The following ANKRD26 variants were observed in gnomAD, a reference collection of about 807,000 sequenced individuals.
ANKRD26 encodes the protein ankyrin repeat domain-containing protein 26.
In ANKRD26, 141 loss-of-function variants were observed where a neutral mutation model predicts 208.7. The observed-to-expected ratio is 0.68, with a 90% CI of 0.59 to 0.78. The LOEUF is 0.78. ANKRD26 is among the 30% of genes least tolerant of loss of function. The probability of loss-of-function intolerance (pLI) is 0.00; values close to 1 mark genes in which losing one functional copy is unlikely to be tolerated. For missense variants in ANKRD26, 1,889 were observed against 1,938.7 expected, an observed-to-expected ratio of 0.97 and a Z score of 0.48; for synonymous variants, 636 against 660.4, an observed-to-expected ratio of 0.96 and a Z score of 0.57.
chr10:26,973,310 T>C (rs556936524), downstream of ANKRD26, among the ~76,000 whole-genome samples: 15 of 152,330 alleles, frequency 9.8e-5, no homozygotes, highest in East Asian at 2.9e-3. Flanking sequence ...TTTAGATTGT[T>C]ACCTACCTAA....
chr10:26,971,282 C>T (rs12258854), downstream of ANKRD26, among the ~76,000 whole-genome samples: 13 of 152,152 alleles, frequency 8.5e-5, no homozygotes, highest in Non-Finnish European at 1.9e-4. Context: ...ACTCAGGAGG[C>T]TAAGGCAGGA....
In ANKRD26 at chr10:27,093,377, T is replaced by C. The variant is rs2056362072; in HGVS notation, c.503A>G (p.Tyr168Cys). Residue 168 changes from tyrosine (Y) to cysteine (C), a missense_variant, in exon 3 of 34, where the codon TAT (tyrosine) becomes TGT (cysteine). Physicochemically the swap from Tyr to Cys is radical, Grantham distance 194. Around this residue, in one of 3 missense-constraint regions of ANKRD26, gnomAD observed 1,272 missense variants for 1,273.8 expected, o/e 1.00. Transcript: ENST00000376087. ...DISVATKLLL[Y>C]DANIEAKNKD... is the part of the protein sequence containing the mutation. ...GTTTTTTGCTTCAATATTTGCATCA[T>C]ACAAAAGCAGCTTTGTTGCTACTGA... is the stretch of plus-strand genomic sequence containing the variant. 3.1e-6 allele frequency: 5 copies of C among 1,614,014 alleles called. No individual in the cohort carries two copies. Among genetic ancestry groups the C allele is most frequent in the South Asian group, 2.2e-5 (2 of 91,088 alleles).
chr10:27,047,735 TA>T (rs1564388441), intron 17 of ANKRD26, among the ~76,000 whole-genome samples: 39 of 43,836 alleles, frequency 8.9e-4, no homozygotes, highest in African/African-American at 1.6e-3. Flanking sequence ...ATAATAATAA[TA>T]ATAATTATTA....
intron 21 of ANKRD26, 33 bp from the exon 22 acceptor site, chr10:27,038,087 A>G: frequency 6.4e-7 from 1 of 1,565,742 alleles, no homozygotes; most frequent in South Asian, 1.1e-5. Flanking sequence ...TAAAATCTGT[A>G]TTGTTACAAA....
intron 20 of ANKRD26, 70 bp downstream of exon 20, chr10:27,043,356 T>C: frequency 3.9e-6 from 6 of 1,550,030 alleles, no homozygotes; most frequent in East Asian, 2.2e-5. Flanking sequence ...TAAATGTACA[T>C]ACATTTATTA....
rs2053994077 is a variant in ANKRD26, at chr10:27,034,938, A to C, written c.3512T>G (p.Phe1171Cys). The change falls in exon 24 of 34, where the codon TTT becomes TGT. Residue 1171 changes from phenylalanine (F) to cysteine (C), a missense_variant. Physicochemically the swap from Phe to Cys is radical, Grantham distance 205. Coordinates refer to ENST00000376087, the MANE Select transcript of ANKRD26 (RefSeq NM_014915.3). ...EKTVINIQDQFHAIVQKLQAE... is the reference protein window; with the variant it reads ...EKTVINIQDQCHAIVQKLQAE... ...TTGAAGTTTTTGCACAATAGCATGA[A>C]ACTGGTCTTGGATATTAATCACTGT... 1.2e-6 allele frequency: 2 copies of C among 1,613,934 alleles called. No homozygotes were observed. Among genetic ancestry groups the C allele is most frequent in the African/African-American group, 2.7e-5 (2 of 74,920 alleles).
intron 18 of ANKRD26, 92 bp from the exon 19 acceptor site, chr10:27,044,282 A>C (rs1363240983): frequency 1.7e-5 from 19 of 1,132,564 alleles, no homozygotes; most frequent in Non-Finnish European, 2.2e-5. Flanking sequence ...AAAGCTCTGC[A>C]TTTGTAATTT....
chr10:27,100,478 G>C lies in ANKRD26; in HGVS notation c.-152C>G, dbSNP rs886745244. 1 of 1,197,322 alleles carries C rather than the reference G, an allele frequency of 8.4e-7. No homozygotes were observed. Among genetic ancestry groups the C allele is most frequent in the Non-Finnish European group, 1.1e-6 (1 of 875,224 alleles). 74.2% of individuals were successfully genotyped at this position (1,197,322 alleles called of 1,614,324 possible). On this transcript the variant is annotated 5_prime_UTR_variant, in exon 1 of 34. Coordinates refer to ENST00000376087, the MANE Select transcript of ANKRD26 (RefSeq NM_014915.3). Reference sequence around the variant, plus strand: ...TCTCTCCCTCCGGGTTACCAAGCAAGCGATCCCGCTAGACACAAGTGCGCA... The same window carrying C: ...TCTCTCCCTCCGGGTTACCAAGCAACCGATCCCGCTAGACACAAGTGCGCA...
intron 5 of ANKRD26, among the ~76,000 whole-genome samples, chr10:26,994,460 ACAT>A (rs1295171753): frequency 1.2e-4 from 19 of 152,316 alleles, no homozygotes; most frequent in South Asian, 2.1e-4. Flanking sequence ...TATTAGGTTC[ACAT>A]CATATTTCAG....
At chr10:27,029,165 G>A (rs2053779255) in intron 26 of ANKRD26, 121 bp downstream of exon 26, 2 of 1,290,100 alleles carry the variant, frequency 1.6e-6, no homozygotes, top group South Asian at 2.7e-5. Flanking sequence ...GCTTAATGCT[G>A]AAATTTTTCC....
the ANKRD26 span, among the ~76,000 whole-genome samples, chr10:26,964,291 T>C: frequency 6.6e-6 from 1 of 152,172 alleles, no homozygotes; most frequent in Admixed American, 6.5e-5. Flanking sequence ...AAGCTGCCTG[T>C]AGCTGATCAG....
rs979514174 is a variant in ANKRD26, at chr10:27,034,764, T to C, written c.3654+32A>G. The C allele has an allele frequency of 5.4e-6, 8 of 1,478,906 alleles. No individual in the cohort carries two copies. The African/African-American group carries it at 1.1e-4, about 21-fold the overall frequency. The allele number at this position is 1,478,906 out of a possible 1,614,324, so 91.6% of individuals were successfully genotyped here. A position where few individuals can be genotyped will look rare whatever the true frequency, so the allele number is the denominator to read the frequency against. On this transcript the variant is annotated intron_variant, in intron 24 of 33. Transcript: ENST00000376087. ...TTATTTTAAATTTTCTTTCAGGAGG[T>C]TTGAAAAATATTTATCTTTCTTGAT...
rs1407204629 is a variant in ANKRD26 at position 27,093,737 on chromosome 10, C to G, written c.305G>C (p.Arg102Thr). ...HPEVVTLLVD[R>T]KCQLNVCDNE... Reference sequence around the variant, plus strand: ...GTCACAGACATTGAGCTGGCATTTTCTGTCCACCAGGAGAGTTACTACTTC... The same window carrying G: ...GTCACAGACATTGAGCTGGCATTTTGTGTCCACCAGGAGAGTTACTACTTC... The change falls in exon 2 of 34, where the codon AGA becomes ACA. Residue 102 changes from arginine to threonine, a missense_variant. By Grantham distance (71) the Arg-to-Thr change is moderately conservative (BLOSUM62 -1). This residue lies in a region of ANKRD26 where 1,272 missense variants were observed against 1,273.8 expected (regional missense o/e 1.00). Coordinates refer to ENST00000376087, the MANE Select transcript of ANKRD26 (RefSeq NM_014915.3). The G allele has an allele frequency of 6.8e-6, 11 of 1,614,158 alleles. No homozygotes were observed. Among genetic ancestry groups the G allele is most frequent in the Non-Finnish European group, 9.3e-6 (11 of 1,180,064 alleles).
chr10:27,037,371 A>G, intron 22 of ANKRD26, 48 bp from the exon 23 acceptor site: 1 of 1,602,628 alleles, frequency 6.2e-7, no homozygotes, highest in African/African-American at 1.3e-5. Flanking sequence ...GTAAAAGTCT[A>G]AAAGGTTAAC....
At chr10:27,036,468 TACA>T (rs1184316423) in intron 23 of ANKRD26, among the ~76,000 whole-genome samples, 2 of 152,104 alleles carry the variant, frequency 1.3e-5, no homozygotes, top group Non-Finnish European at 2.9e-5. Flanking sequence ...CCTTTTATTT[TACA>T]ACACTAATGG....
Position 27,077,546 on chromosome 10 carries a change from G to C in ANKRD26, c.875-6C>G. 6.2e-7 allele frequency: 1 copy of C among 1,613,308 alleles called. No individual in the cohort carries two copies. The highest frequency in any genetic ancestry group is 8.5e-7 in the Non-Finnish European group (1 of 1,179,400). The stretch of plus-strand genomic sequence containing the variant: ...AGTGCCATATGTTGCTTCTACTACA[G>C]TAAAAACAAAATAAAGAGTAAATGA... On this transcript the variant is annotated splice_region_variant and splice_polypyrimidine_tract_variant and intron_variant, in intron 8 of 33. Transcript: ENST00000376087.
intron 4 of ANKRD26, among the ~76,000 whole-genome samples, chr10:27,089,934 T>C (rs2056245229): frequency 6.6e-6 from 1 of 152,218 alleles, no homozygotes; most frequent in Non-Finnish European, 1.5e-5. Flanking sequence ...TCTCAACTGA[T>C]GTATAAGATG....
At chr10:27,077,984 C>A (rs1361572714) in intron 7 of ANKRD26, among the ~76,000 whole-genome samples, 2 of 151,918 alleles carry the variant, frequency 1.3e-5, no homozygotes. Flanking sequence ...ACCACAGTAG[C>A]CTAAAATGAA....
At chr10:27,014,058 A>G (rs2134918132) in intron 31 of ANKRD26, among the ~76,000 whole-genome samples, 1 of 152,310 alleles carries the variant, frequency 6.6e-6, no homozygotes, top group East Asian at 1.9e-4. Context: ...ACAATCAAGG[A>G]AAGTTCATTT....
Sources: gnomAD v4.1 joint callset for allele counts (sites outside exome capture counted in the v4.1 genomes callset) on GRCh38, gnomAD v4.1.1 for gene constraint, gnomAD v4.1.1 regional missense constraint, MANE v1.5 for transcripts, NCBI Gene and HGNC (gene_info 2026-07-23, HGNC 2026-07-21) for gene names.